The following SLC24A2 variants were observed in gnomAD, a reference collection of about 807,000 sequenced individuals.
SLC24A2 encodes the protein solute carrier family 24 member 2, also known as sodium/potassium/calcium exchanger 2.
In SLC24A2, 36 loss-of-function variants were observed where a neutral mutation model predicts 62.0. That is an observed-to-expected ratio of 0.58 (90% CI 0.44 to 0.77). The LOEUF (loss-of-function observed/expected upper bound fraction) is 0.77, where lower values mean the gene tolerates loss of function less well. SLC24A2 is among the 30% of genes least tolerant of loss of function. The pLI is 0.00. For synonymous variants in SLC24A2, 358 were observed against 294.0 expected (o/e 1.22, Z -2.23); for missense variants, 846 against 817.9 (o/e 1.03, Z -0.42).
the SLC24A2 span, among the ~76,000 whole-genome samples, chr9:19,858,584 C>G: frequency 6.6e-6 from 1 of 152,052 alleles, no homozygotes; most frequent in African/African-American, 2.4e-5. Context: ...GAGAAAATAT[C>G]TGCAAAGTAT....
At chr9:20,096,874 T>C in the SLC24A2 span, among the ~76,000 whole-genome samples, 1 of 152,216 alleles carries the variant, frequency 6.6e-6, no homozygotes, top group African/African-American at 2.4e-5. Flanking sequence ...GAGGTAATTT[T>C]GGCTCTGTTA....
the SLC24A2 span, among the ~76,000 whole-genome samples, chr9:20,187,450 T>A: frequency 6.6e-6 from 1 of 152,090 alleles, no homozygotes; most frequent in Non-Finnish European, 1.5e-5. Context: ...GAGTACAAAG[T>A]CCTGAATGAT....
the SLC24A2 span, among the ~76,000 whole-genome samples, chr9:20,127,570 T>C: frequency 7.2e-5 from 11 of 152,090 alleles, no homozygotes; most frequent in Admixed American, 6.6e-4. Flanking sequence ...TCTCTGTGAG[T>C]CTGTTTCCTT....
the SLC24A2 span, among the ~76,000 whole-genome samples, chr9:20,185,620 G>A: frequency 6.7e-6 from 1 of 149,462 alleles, no homozygotes; most frequent in South Asian, 2.1e-4. Flanking sequence ...AGCCGAGGTT[G>A]CGCCACTGCA....
intron 2 of SLC24A2, among the ~76,000 whole-genome samples, chr9:19,754,033 T>C (rs1822059820): frequency 6.6e-6 from 1 of 152,130 alleles, no homozygotes; most frequent in African/African-American, 2.4e-5. Context: ...AAAAGCACAC[T>C]TAAAAAAAAT....
At chr9:19,898,544 C>A in the SLC24A2 span, among the ~76,000 whole-genome samples, 1 of 151,948 alleles carries the variant, frequency 6.6e-6, no homozygotes, top group African/African-American at 2.4e-5. Flanking sequence ...AGATTGAGAC[C>A]ATCCTGGCTA....
the SLC24A2 span, among the ~76,000 whole-genome samples, chr9:19,925,174 G>A: frequency 3.5e-4 from 53 of 152,200 alleles, no homozygotes; most frequent in South Asian, 1.0e-3. Flanking sequence ...AACATCAGAC[G>A]TTCTCTATAA....
At chr9:19,819,992 AGTATATATATATATGT>A in the SLC24A2 span, among the ~76,000 whole-genome samples, 1 of 50,348 alleles carries the variant, frequency 2.0e-5, no homozygotes, top group African/African-American at 5.6e-5. Flanking sequence ...AAGAAACTGC[AGTATATATATATATGT>A]GTATATATAT....
chr9:19,534,981 T>C (rs756837486), intron 8 of SLC24A2, among the ~76,000 whole-genome samples: 1 of 152,236 alleles, frequency 6.6e-6, no homozygotes, highest in Non-Finnish European at 1.5e-5. Flanking sequence ...ACCAACAGTG[T>C]AAAAGTGTTC....
chr9:20,288,772 T>C, the SLC24A2 span, among the ~76,000 whole-genome samples: 328 of 146,704 alleles, frequency 2.2e-3, 4 homozygotes, highest in Middle Eastern at 0.03. Context: ...AAGAATGCAA[T>C]GGAAGAGACA....
chr9:19,559,010 C>G (rs942559500), intron 7 of SLC24A2, among the ~76,000 whole-genome samples: 8 of 152,156 alleles, frequency 5.3e-5, no homozygotes, highest in Admixed American at 4.6e-4. Context: ...AATAGGAAGT[C>G]AAGCCCAAGG....
chr9:19,670,917 G>A (rs754164028), intron 2 of SLC24A2, among the ~76,000 whole-genome samples: 4 of 152,100 alleles, frequency 2.6e-5, no homozygotes, highest in Non-Finnish European at 4.4e-5. Flanking sequence ...CCAGTGCCAA[G>A]ACCTCAAACT....
At chr9:20,253,674 A>G in the SLC24A2 span, among the ~76,000 whole-genome samples, 1 of 152,182 alleles carries the variant, frequency 6.6e-6, no homozygotes, top group Non-Finnish European at 1.5e-5. Context: ...TCGCCAGGTG[A>G]TTCTCTGTGC....
intron 8 of SLC24A2, among the ~76,000 whole-genome samples, chr9:19,546,253 A>G (rs1428630692): frequency 6.6e-6 from 1 of 152,344 alleles, no homozygotes. Context: ...CAGAGCCAGT[A>G]GGCAGGGACG....
the SLC24A2 span, among the ~76,000 whole-genome samples, chr9:19,961,023 G>GGTGTGTGT: frequency 2.5e-3 from 355 of 141,710 alleles, 2 homozygotes; most frequent in Middle Eastern, 7.1e-3. Flanking sequence ...TAGAGGGGTG[G>GGTGTGTGT]GTGTGTGTGT....
At chr9:19,699,515 A>C (rs1053261370) in intron 2 of SLC24A2, among the ~76,000 whole-genome samples, 2 of 152,232 alleles carry the variant, frequency 1.3e-5, no homozygotes, top group South Asian at 2.1e-4. Flanking sequence ...ATTATGATAC[A>C]TGAGGCAGTT....
chr9:20,231,996 G>A, the SLC24A2 span, among the ~76,000 whole-genome samples: 1 of 152,164 alleles, frequency 6.6e-6, no homozygotes, highest in Non-Finnish European at 1.5e-5. Context: ...AGATAATCAT[G>A]TGGTTTTTGT....
chr9:19,942,580 G>C, the SLC24A2 span, among the ~76,000 whole-genome samples: 2 of 152,186 alleles, frequency 1.3e-5, no homozygotes, highest in African/African-American at 2.4e-5. Flanking sequence ...GCTTAACATG[G>C]TGAAACAGCG....
At chr9:19,542,226 C>A (rs951090348) in intron 8 of SLC24A2, among the ~76,000 whole-genome samples, 1 of 152,148 alleles carries the variant, frequency 6.6e-6, no homozygotes. Context: ...ATCTTGGCTC[C>A]TCCCTTCTCT....
Sources: gnomAD v4.1 joint callset for allele counts (sites outside exome capture counted in the v4.1 genomes callset) on GRCh38, gnomAD v4.1.1 for gene constraint, MANE v1.5 for transcripts, NCBI Gene and HGNC (gene_info 2026-07-23, HGNC 2026-07-21) for gene names.